Variants in KHDC1 observed in about 807,000 individuals in gnomAD.
The protein encoded by KHDC1 is KH domain containing 1, also known as KH homology domain-containing protein 1.
In KHDC1, 21 loss-of-function variants were observed where a neutral mutation model predicts 24.7. That is an observed-to-expected ratio of 0.85 (90% confidence interval 0.60 to 1.23). The LOEUF is 1.23. KHDC1 is among the 50% of genes most tolerant of loss of function. KHDC1 has a pLI of 0.00. For missense variants in KHDC1, 274 were observed against 298.5 expected (o/e 0.92, Z 0.61); for synonymous variants, 98 against 111.7 (o/e 0.88, Z 0.77).
intron 2 of KHDC1, among the ~76,000 whole-genome samples, chr6:73,279,387 G>A (rs143703371): frequency 2.8e-4 from 42 of 152,086 alleles, no homozygotes; most frequent in Middle Eastern, 3.4e-3. Flanking sequence ...GTGACAGACC[G>A]AGCCTGTCTC....
intron 2 of KHDC1, among the ~76,000 whole-genome samples, chr6:73,281,119 G>A (rs1311768299): frequency 6.6e-6 from 1 of 151,964 alleles, no homozygotes; most frequent in African/African-American, 2.4e-5. Flanking sequence ...CAAGGCAGGC[G>A]GATCACCTGA....
chr6:73,305,932 T>G (rs1767954682), intron 1 of KHDC1, among the ~76,000 whole-genome samples: 1 of 152,210 alleles, frequency 6.6e-6, no homozygotes, highest in African/African-American at 2.4e-5. Context: ...GTGATGGAAT[T>G]ACAGGTGTGA....
chr6:73,253,531 T>C lies in KHDC1; in HGVS notation c.207-11001A>G, dbSNP rs534407291. ...TAGCACCACTGCAGTCCAGCCTGGGTGAAAGAGCGAGAGTCCGTCTCAAAA... is the reference window on the plus strand; with the variant it reads ...TAGCACCACTGCAGTCCAGCCTGGGCGAAAGAGCGAGAGTCCGTCTCAAAA... On this transcript the variant is annotated intron_variant, in intron 2 of 4. Coordinates refer to ENST00000370384, the Ensembl canonical transcript of KHDC1. 1.1e-4 allele frequency among the ~76,000 whole-genome samples: 16 copies of C among 151,108 alleles called. 1 individual carries two copies. Among genetic ancestry groups the C allele is most frequent in the African/African-American group, 3.6e-4 (15 of 41,098 alleles).
intron 2 of KHDC1, among the ~76,000 whole-genome samples, chr6:73,261,877 A>C (rs1358123912): frequency 6.7e-6 from 1 of 148,798 alleles, no homozygotes; most frequent in East Asian, 2.0e-4. Flanking sequence ...GCACCACTGC[A>C]CTCCAGCCTG....
intron 2 of KHDC1, among the ~76,000 whole-genome samples, chr6:73,249,146 T>TA (rs1009912429): frequency 2.0e-5 from 3 of 151,732 alleles, no homozygotes; most frequent in Non-Finnish European, 2.9e-5. Flanking sequence ...GCTTAAAAAA[T>TA]AAAAAAATCC....
chr6:73,266,399 G>T (rs1308603125), intron 2 of KHDC1, among the ~76,000 whole-genome samples: 1 of 152,184 alleles, frequency 6.6e-6, no homozygotes, highest in Non-Finnish European at 1.5e-5. Context: ...AGGCACTACT[G>T]CATGGATATA....
At position 73,267,866 on chromosome 6, in the gene KHDC1, C is replaced by T. The variant is rs536703173; in HGVS notation, c.206+24132G>A. Among the ~76,000 whole-genome samples the T allele has an allele frequency of 1.7e-4, 26 of 150,820 alleles. No individual in the cohort carries two copies. The East Asian group carries it at 4.5e-3, about 26-fold the overall frequency. ...TTTTTTTTTTTCTGAGATGGAGTTT[C>T]GTTCTTGTTGCCCAGCCTGGAGTGC... On this transcript the variant is annotated intron_variant, in intron 2 of 4. Transcript: ENST00000370384.
chr6:73,261,456 A>AT (rs950615382), intron 2 of KHDC1, among the ~76,000 whole-genome samples: 2 of 151,250 alleles, frequency 1.3e-5, no homozygotes, highest in South Asian at 2.1e-4. Context: ...AATAAATAAA[A>AT]TTTTTTTTAA....
At chr6:73,280,337 A>AT (rs1767380545) in intron 2 of KHDC1, among the ~76,000 whole-genome samples, 1 of 151,114 alleles carries the variant, frequency 6.6e-6, no homozygotes, top group East Asian at 2.0e-4. Context: ...TTTGTATTTT[A>AT]TTTTTTGTAG....
At chr6:73,241,510 A>C in exon 5 of KHDC1, 1 of 1,610,696 alleles carries the variant, frequency 6.2e-7, no homozygotes, top group Non-Finnish European at 8.5e-7. Context: ...CCCACTTCCC[A>C]GGGGAGATCA....
In KHDC1 at chr6:73,308,978, C is replaced by G. The variant is rs572204421; in HGVS notation, c.163+574G>C. Among the ~76,000 whole-genome samples the G allele has an allele frequency of 1.2e-4, 19 of 152,228 alleles. 2 individuals carry two copies. The highest frequency in any genetic ancestry group is 1.2e-3 in the Admixed American group (19 of 15,284). The stretch of plus-strand genomic sequence containing the variant: ...TCCCTAGTACCTGGGATTACAGGCA[C>G]GCGCGCCAGGCTAATTTTTGTATTT... On this transcript the variant is annotated intron_variant, in intron 1 of 4. Transcript: ENST00000370384.
At chr6:73,293,760 T>A (rs1303168819) in intron 1 of KHDC1, among the ~76,000 whole-genome samples, 2 of 144,316 alleles carry the variant, frequency 1.4e-5, no homozygotes, top group African/African-American at 5.4e-5. Flanking sequence ...ATCCCAGCAC[T>A]TTGGGAGGCC....
intron 1 of KHDC1, among the ~76,000 whole-genome samples, chr6:73,301,626 G>GT (rs1023557840): frequency 6.6e-6 from 1 of 151,992 alleles, no homozygotes; most frequent in African/African-American, 2.4e-5. Context: ...GTTTCTTAGG[G>GT]TTTTTTAAAT....
chr6:73,275,433 G>A (rs1037732879), intron 2 of KHDC1: 30 of 167,092 alleles, frequency 1.8e-4, no homozygotes, highest in African/African-American at 7.0e-4. Context: ...ACCCTGTGCG[G>A]GGTGACACGG....
At position 73,293,283 on chromosome 6, in the gene KHDC1, C is replaced by T. The variant is rs554886749; in HGVS notation, c.164-1243G>A. 239 of 606,194 alleles carry T rather than the reference C, an allele frequency of 3.9e-4. 5 individuals carry two copies. The highest frequency in any genetic ancestry group is 3.5e-3 in the South Asian group (217 of 62,762). The allele number at this position is 606,194 out of a possible 1,614,324, so 37.6% of individuals were successfully genotyped here. A position where few individuals can be genotyped will look rare whatever the true frequency, so the allele number is the denominator to read the frequency against. ...AAGATTCTGGCTTCTACTGAAGAAA[C>T]ATAAGGAAAAGATTTTAAAAAAACT... On this transcript the variant is annotated intron_variant, in intron 1 of 4. Transcript: ENST00000370384.
At chr6:73,252,369 C>A (rs972104799) in intron 2 of KHDC1, among the ~76,000 whole-genome samples, 1 of 152,114 alleles carries the variant, frequency 6.6e-6, no homozygotes, top group Non-Finnish European at 1.5e-5. Context: ...ATAATAATTT[C>A]ATTGAAAATT....
At chr6:73,253,969 A>G (rs1256653341) in intron 2 of KHDC1, among the ~76,000 whole-genome samples, 1 of 152,118 alleles carries the variant, frequency 6.6e-6, no homozygotes, top group Admixed American at 6.6e-5. Flanking sequence ...AAATATATGT[A>G]AAATAATAAA....
At chr6:73,284,346 T>C (rs1005884220) in intron 2 of KHDC1, among the ~76,000 whole-genome samples, 1 of 152,236 alleles carries the variant, frequency 6.6e-6, no homozygotes, top group African/African-American at 2.4e-5. Flanking sequence ...TTCAAACTTT[T>C]GCATTCTGGC....
intron 2 of KHDC1, among the ~76,000 whole-genome samples, chr6:73,253,377 C>A (rs1766817472): frequency 6.6e-6 from 1 of 150,824 alleles, no homozygotes. Flanking sequence ...TATGGTGAAA[C>A]CCCGTCTCTA....
Sources: allele counts gnomAD v4.1 joint callset (sites outside exome capture counted in the v4.1 genomes callset), GRCh38; gene constraint gnomAD v4.1.1; transcripts MANE v1.5; gene names NCBI Gene and HGNC (gene_info 2026-07-23, HGNC 2026-07-21).